The following NT5E variants were observed in gnomAD, a reference collection of about 807,000 sequenced individuals.
NT5E encodes the protein 5'-nucleotidase.
A neutral mutation model predicts 55.1 loss-of-function variants in NT5E; 53 were observed. The observed-to-expected ratio is 0.96, with a 90% CI of 0.77 to 1.21. The LOEUF (loss-of-function observed/expected upper bound fraction) is 1.21. Among genes scored for constraint, NT5E ranks in the 50% most tolerant of loss-of-function variants. The pLI is 0.00. For synonymous variants in NT5E, 270 were observed against 278.4 expected (o/e 0.97, Z 0.30); for missense variants, 683 against 724.3 (o/e 0.94, Z 0.65).
intron 6 of NT5E, among the ~76,000 whole-genome samples, chr6:85,490,045 A>G (rs556825738): frequency 2.0e-5 from 3 of 152,376 alleles, no homozygotes; most frequent in South Asian, 4.1e-4. Flanking sequence ...ATCATATGGC[A>G]AAACAAATCA....
chr6:85,494,099 C>A lies in NT5E; in HGVS notation c.*95C>A. 8.4e-7 allele frequency: 1 copy of A among 1,185,000 alleles called. No individual in the cohort carries two copies. The highest frequency in any genetic ancestry group is 1.2e-6 in the Non-Finnish European group (1 of 806,810). The allele number at this position is 1,185,000 out of a possible 1,614,324, so 73.4% of individuals were successfully genotyped here. On this transcript the variant is annotated 3_prime_UTR_variant, in exon 9 of 9. Coordinates refer to ENST00000257770, the MANE Select transcript of NT5E (RefSeq NM_002526.4). ...GGACCTGGCTTTGTGACAGCAAAAA[C>A]CATCTTTACAGGCTCCTAGAAGCTG... is the stretch of plus-strand genomic sequence containing the variant.
rs1035740398 is a variant in NT5E at position 85,494,021 on chromosome 6, C to T, written c.*17C>T. On this transcript the variant is annotated 3_prime_UTR_variant, in exon 9 of 9. Coordinates refer to ENST00000257770, the MANE Select transcript of NT5E (RefSeq NM_002526.4). ...TACCAATAGCCAAAAATTCTCCTTGCCTTTAATGTGTGAAACTGCATTTTT... is the reference window on the plus strand; with the variant it reads ...TACCAATAGCCAAAAATTCTCCTTGTCTTTAATGTGTGAAACTGCATTTTT... 4 of 1,612,852 alleles carry T rather than the reference C, an allele frequency of 2.5e-6. No homozygotes were observed. Among genetic ancestry groups the T allele is most frequent in the Non-Finnish European group, 3.4e-6 (4 of 1,179,304 alleles).
intron 3 of NT5E, 137 bp downstream of exon 3, chr6:85,471,562 A>G (rs1368684442): frequency 6.6e-6 from 3 of 452,322 alleles, no homozygotes; most frequent in Non-Finnish European, 1.1e-5. Flanking sequence ...ATATATATGT[A>G]ATATACATTA....
At chr6:85,482,668 A>G (rs1350235801) in intron 3 of NT5E, among the ~76,000 whole-genome samples, 1 of 152,222 alleles carries the variant, frequency 6.6e-6, no homozygotes, top group East Asian at 1.9e-4. Flanking sequence ...TCTCGGCTAG[A>G]TGACTGGAAT....
At chr6:85,482,384 GA>G (rs1207355169) in intron 3 of NT5E, among the ~76,000 whole-genome samples, 1 of 147,790 alleles carries the variant, frequency 6.8e-6, no homozygotes, top group Non-Finnish European at 1.5e-5. Context: ...AGGAAGGAGG[GA>G]AAAAAGGAAA....
chr6:85,480,711 T>TG (rs1362787250), intron 3 of NT5E, among the ~76,000 whole-genome samples: 2 of 152,210 alleles, frequency 1.3e-5, no homozygotes, highest in East Asian at 3.8e-4. Context: ...TCAGCTTTCC[T>TG]ATTTATTGGC....
rs759952251 is a variant in NT5E, at chr6:85,450,396, A to C, written c.257A>C (p.Gln86Pro). 5.0e-6 allele frequency: 8 copies of C among 1,602,144 alleles called. No individual in the cohort carries two copies. In the African/African-American group the frequency reaches 1.1e-4, roughly 21 times the overall value. Residue 86 changes from glutamine (Q) to proline (P), a missense_variant, in exon 1 of 9, where the codon CAG (glutamine) becomes CCG (proline). Transcript: ENST00000257770. This position sits in a 1 kb window ranked among gnomAD's most constrained non-coding sequence, Gnocchi z 4.0. ...PNVLLLDAGD[Q>P]YQGTIWFTVY... ...GTGCTGCTGCTGGACGCCGGCGACC[A>C]GTACCAGGGCACTATCTGGTTCACC...
At chr6:85,459,117 GCTGT>G (rs1769044356) in intron 1 of NT5E, among the ~76,000 whole-genome samples, 1 of 152,104 alleles carries the variant, frequency 6.6e-6, no homozygotes. Context: ...AGTAAATCAG[GCTGT>G]CTCTCTTTAA....
At chr6:85,489,459 A>C in intron 5 of NT5E, 35 bp from the exon 6 acceptor site, 1 of 1,450,024 alleles carries the variant, frequency 6.9e-7, no homozygotes, top group Non-Finnish European at 9.7e-7. Flanking sequence ...AAGAAGAGCC[A>C]GAGTAACTAG....
Position 85,473,303 on chromosome 6 carries a change from A to T in NT5E, c.751+1878A>T, listed in dbSNP as rs539043093. The stretch of plus-strand genomic sequence containing the variant: ...AGGTGATAACAACAGTACCTATTAT[A>T]AGGGGTCACTGTGATTTAATATGTG... On this transcript the variant is annotated intron_variant, in intron 3 of 8. Coordinates refer to ENST00000257770, the MANE Select transcript of NT5E (RefSeq NM_002526.4). 1.2e-3 allele frequency among the ~76,000 whole-genome samples: 181 copies of T among 152,278 alleles called. 1 individual carries two copies. Among genetic ancestry groups the T allele is most frequent in the African/African-American group, 4.0e-3 (168 of 41,564 alleles).
rs1319629662 is a variant in NT5E at position 85,493,926 on chromosome 6, C to T, written c.1647C>T (p.Ser549=). The change falls in exon 9 of 9, where the codon TCC becomes TCT. Residue 549 remains serine, a synonymous_variant. Coordinates refer to ENST00000257770, the MANE Select transcript of NT5E (RefSeq NM_002526.4). ...YPAVEGRIKF[S]TGSHCHGSFS... The stretch of plus-strand genomic sequence containing the variant: ...CAGTTGAAGGTCGGATCAAGTTTTC[C>T]ACAGGAAGTCACTGCCATGGAAGCT... 6.2e-7 allele frequency: 1 copy of T among 1,614,048 alleles called. No individual in the cohort carries two copies. Among genetic ancestry groups the T allele is most frequent in the Non-Finnish European group, 8.5e-7 (1 of 1,179,974 alleles).
chr6:85,485,171 T>A, intron 3 of NT5E, 64 bp from the exon 4 acceptor site: 1 of 1,511,356 alleles, frequency 6.6e-7, no homozygotes, highest in Non-Finnish European at 9.2e-7. Flanking sequence ...AGTAGCCCGC[T>A]GGCCTACAGC....
chr6:85,482,079 C>A (rs1273384950), intron 3 of NT5E, among the ~76,000 whole-genome samples: 1 of 152,204 alleles, frequency 6.6e-6, no homozygotes, highest in Admixed American at 6.5e-5. Context: ...TTGAAATAAC[C>A]TAATTACCAA....
At chr6:85,477,531 T>C (rs1305941840) in intron 3 of NT5E, among the ~76,000 whole-genome samples, 6 of 152,214 alleles carry the variant, frequency 3.9e-5, no homozygotes, top group Admixed American at 1.3e-4. Context: ...GTTTTCTTCA[T>C]GCTGCCATCA....
chr6:85,483,649 T>C (rs77573603), intron 3 of NT5E, among the ~76,000 whole-genome samples: 1 of 152,270 alleles, frequency 6.6e-6, no homozygotes, highest in East Asian at 1.9e-4. Flanking sequence ...TTGTGAAGCG[T>C]TGGTATTTGC....
At chr6:85,471,446 G>C in intron 3 of NT5E, 21 bp downstream of exon 3, 1 of 1,607,984 alleles carries the variant, frequency 6.2e-7, no homozygotes, top group Non-Finnish European at 8.5e-7. Flanking sequence ...CAAAAGGATT[G>C]CATGGGCCAG....
chr6:85,456,125 G>A (rs1263165900), intron 1 of NT5E, among the ~76,000 whole-genome samples: 4 of 152,096 alleles, frequency 2.6e-5, no homozygotes, highest in African/African-American at 7.2e-5. Flanking sequence ...ATGCCTTCAC[G>A]ATAAACCTTC....
At chr6:85,462,588 G>GTCTC (rs1426258702) in intron 1 of NT5E, among the ~76,000 whole-genome samples, 3 of 152,142 alleles carry the variant, frequency 2.0e-5, no homozygotes, top group Non-Finnish European at 4.4e-5. Flanking sequence ...GTGTCTGTCT[G>GTCTC]TTCACACATC....
chr6:85,455,774 A>C (rs2127753982), intron 1 of NT5E, among the ~76,000 whole-genome samples: 1 of 152,322 alleles, frequency 6.6e-6, no homozygotes, highest in Middle Eastern at 3.4e-3. Flanking sequence ...TTGAGATAGT[A>C]TCAGAATTGA....
Sources: gnomAD v4.1 joint callset for allele counts (sites outside exome capture counted in the v4.1 genomes callset) on GRCh38, gnomAD v4.1.1 for gene constraint, Gnocchi (gnomAD v3.1) non-coding constraint, MANE v1.5 for transcripts, NCBI Gene and HGNC (gene_info 2026-07-23, HGNC 2026-07-21) for gene names.